The following CLIP4 variants were observed in gnomAD, a reference collection of about 807,000 sequenced individuals.
The protein encoded by CLIP4 is CAP-Gly domain containing linker protein family member 4, also known as CAP-Gly domain-containing linker protein 4.
In CLIP4, 47 loss-of-function variants were observed where a neutral mutation model predicts 73.1. The ratio of observed to expected loss-of-function variants is 0.64; its 90% CI spans 0.51 to 0.82. The LOEUF (loss-of-function observed/expected upper bound fraction) is 0.82, where lower values mean the gene tolerates loss of function less well. Among genes scored for constraint, CLIP4 ranks in the 40% least tolerant of loss-of-function variants. The pLI is 0.00. For missense variants in CLIP4, 874 were observed against 852.9 expected, an observed-to-expected ratio of 1.02 and a Z score of -0.31; for synonymous variants, 306 against 295.4, an observed-to-expected ratio of 1.04 and a Z score of -0.37.
chr2:29,160,460 C>T lies in CLIP4; in HGVS notation c.1527C>T (p.Phe509=), dbSNP rs779569758. Residue 509 remains phenylalanine, a synonymous_variant, in exon 12 of 16, where the codon TTC becomes TTT. Transcript: ENST00000320081. The part of the protein sequence containing the change: ...GTIRFFGTTN[F]APGYWYGIEL... ...TTAGGTTCTTTGGGACAACAAACTT[C>T]GCTCCAGGTAACTCATCTGCATATT... 7.5e-5 allele frequency: 121 copies of T among 1,613,898 alleles called. No individual in the cohort carries two copies. The highest frequency in any genetic ancestry group is 1.8e-4 in the East Asian group (8 of 44,892).
At chr2:29,110,606 T>G (rs949467465), upstream of CLIP4, among the ~76,000 whole-genome samples, 2 of 152,196 alleles carry the variant, frequency 1.3e-5, no homozygotes, top group Non-Finnish European at 2.9e-5. Flanking sequence ...GAATGGATGT[T>G]GAGTAGGCAG....
rs568087396 is a variant in CLIP4, at chr2:29,183,406, G to C, written c.*1513G>C. 3 of 152,676 alleles carry C rather than the reference G, an allele frequency of 2.0e-5. No homozygotes were observed. Among genetic ancestry groups the C allele is most frequent in the Admixed American group, 2.0e-4 (3 of 15,290 alleles). 9.5% of individuals were successfully genotyped at this position (152,676 alleles called of 1,614,324 possible). A position where few individuals can be genotyped will look rare whatever the true frequency, so the allele number is the denominator to read the frequency against. On this transcript the variant is annotated 3_prime_UTR_variant, in exon 16 of 16. Transcript: ENST00000320081. ...TCCTGAAATACATTTGCAAAATAAG[G>C]CTGCTTTGTAATCAAGGAATATTTT...
intron 5 of CLIP4, among the ~76,000 whole-genome samples, chr2:29,135,005 G>A (rs936377410): frequency 1.3e-5 from 2 of 151,978 alleles, no homozygotes; most frequent in South Asian, 2.1e-4. Flanking sequence ...AAATACTTTA[G>A]ACTTTTTGGA....
At chr2:29,128,505 C>T (rs762613386) in intron 2 of CLIP4, among the ~76,000 whole-genome samples, 4 of 151,682 alleles carry the variant, frequency 2.6e-5, no homozygotes, top group East Asian at 1.9e-4. Flanking sequence ...AAAGACAGCA[C>T]GAAGCACATG....
At position 29,173,676 on chromosome 2, in the gene CLIP4, A is replaced by C. The variant is rs1324666932; in HGVS notation, c.1724-697A>C. Among the ~76,000 whole-genome samples the C allele has an allele frequency of 2.6e-5, 4 of 152,322 alleles. No individual in the cohort carries two copies. The East Asian group carries it at 7.7e-4, about 29-fold the overall frequency. ...TTTTAAACTAAAATTGTGTCAATCAAAAGATTCATTCAGCACGTCTGGTCT... is the reference window on the plus strand; with the variant it reads ...TTTTAAACTAAAATTGTGTCAATCACAAGATTCATTCAGCACGTCTGGTCT... On this transcript the variant is annotated intron_variant, in intron 14 of 15. Transcript: ENST00000320081.
intron 7 of CLIP4, 42 bp from the exon 8 acceptor site, chr2:29,145,190 C>G (rs1666069272): frequency 1.3e-6 from 2 of 1,555,830 alleles, no homozygotes; most frequent in Non-Finnish European, 1.8e-6. Context: ...CTTGGAATTA[C>G]TAATAATTCC....
chr2:29,156,768 A>G lies in CLIP4; in HGVS notation c.1255+325A>G, dbSNP rs568057834. 2.9e-4 allele frequency among the ~76,000 whole-genome samples: 44 copies of G among 152,308 alleles called. No homozygotes were observed. The South Asian group carries it at 8.9e-3, about 31-fold the overall frequency. ...CTTTAGCTATCAAATCATTAGATGA[A>G]TTGAGCATGAGTATTCCTTCTTGCC... On this transcript the variant is annotated intron_variant, in intron 10 of 15. Coordinates refer to ENST00000320081, the MANE Select transcript of CLIP4 (RefSeq NM_024692.6).
Position 29,181,616 on chromosome 2 carries a change from C to T in CLIP4, c.1841C>T (p.Ala614Val), listed in dbSNP as rs779880849. Residue 614 changes from alanine (A) to valine (V), a missense_variant, in exon 16 of 16, where the codon GCA becomes GTA. Physicochemically the swap from Ala to Val is moderately conservative, Grantham distance 64 (BLOSUM62 0). Transcript: ENST00000320081. The part of the protein sequence containing the change: ...LRRSWSSTPT[A>V]GGIEGSVKLH... ...CGCAGTTGGAGCAGCACCCCCACCG[C>T]AGGTGGCATTGAAGGGAGCGTGAAG... 4 of 1,613,280 alleles carry T rather than the reference C, an allele frequency of 2.5e-6. No individual in the cohort carries two copies. Among genetic ancestry groups the T allele is most frequent in the Non-Finnish European group, 3.4e-6 (4 of 1,179,404 alleles).
chr2:29,146,795 AG>A (rs1666201336), intron 8 of CLIP4, among the ~76,000 whole-genome samples: 1 of 152,194 alleles, frequency 6.6e-6, no homozygotes. Flanking sequence ...TCTGTGAAAT[AG>A]GGATGACACT....
Position 29,181,822 on chromosome 2 carries a change from G to T in CLIP4, c.2047G>T (p.Val683Phe). The T allele has an allele frequency of 6.2e-7, 1 of 1,614,236 alleles. No homozygotes were observed. Among genetic ancestry groups the T allele is most frequent in the East Asian group, 2.2e-5 (1 of 44,886 alleles). The change falls in exon 16 of 16, where the codon GTC becomes TTC. Residue 683 changes from valine to phenylalanine, a missense_variant. Physicochemically the swap from Val to Phe is conservative, Grantham distance 50. Coordinates refer to ENST00000320081, the MANE Select transcript of CLIP4 (RefSeq NM_024692.6). ...RYFTCKPNHG[V>F]LVRPSRVTYR... ...TTTCACCTGTAAGCCGAACCATGGA[G>T]TCTTAGTTCGACCGAGCAGAGTGAC...
At chr2:29,101,154 G>A (rs1335897509) in intron 1 of CLIP4, among the ~76,000 whole-genome samples, 3 of 152,064 alleles carry the variant, frequency 2.0e-5, no homozygotes, top group Non-Finnish European at 4.4e-5. Flanking sequence ...GCCAGGCGTG[G>A]TGGTGCATGC....
chr2:29,105,712 G>C (rs906375626), intron 1 of CLIP4, among the ~76,000 whole-genome samples: 1 of 152,198 alleles, frequency 6.6e-6, no homozygotes, highest in Non-Finnish European at 1.5e-5. Context: ...GGGGTTTTTG[G>C]AGGTGAGGCC....
upstream of CLIP4, among the ~76,000 whole-genome samples, chr2:29,112,291 T>C (rs1668404053): frequency 6.6e-6 from 1 of 152,264 alleles, no homozygotes; most frequent in Non-Finnish European, 1.5e-5. Flanking sequence ...AAATTTAGTT[T>C]CTGCTGGAAT....
At chr2:29,105,542 A>G (rs1304272221) in intron 1 of CLIP4, among the ~76,000 whole-genome samples, 1 of 152,186 alleles carries the variant, frequency 6.6e-6, no homozygotes, top group African/African-American at 2.4e-5. Flanking sequence ...TCTCCATCTC[A>G]GTGTAACATT....
At chr2:29,181,104 C>G (rs1199763224) in intron 15 of CLIP4, among the ~76,000 whole-genome samples, 1 of 152,062 alleles carries the variant, frequency 6.6e-6, no homozygotes, top group African/African-American at 2.4e-5. Context: ...GGAAGCCTTA[C>G]CTATAACATA....
chr2:29,120,905 G>T (rs1664206264), intron 1 of CLIP4, among the ~76,000 whole-genome samples: 1 of 152,120 alleles, frequency 6.6e-6, no homozygotes, highest in South Asian at 2.1e-4. Flanking sequence ...TTTCAGTAAA[G>T]TTTTCTGGGA....
At chr2:29,145,878 C>T (rs911068790) in intron 8 of CLIP4, among the ~76,000 whole-genome samples, 4 of 152,142 alleles carry the variant, frequency 2.6e-5, no homozygotes, top group South Asian at 4.1e-4. Context: ...GACAGGGTTT[C>T]GCCATGTTGG....
At chr2:29,170,527 A>G (rs981085544) in intron 14 of CLIP4, among the ~76,000 whole-genome samples, 2 of 152,202 alleles carry the variant, frequency 1.3e-5, no homozygotes, top group South Asian at 2.1e-4. Flanking sequence ...GTGTTTTGCA[A>G]CTATTTCCCC....
chr2:29,101,238 C>T (rs548592855), intron 1 of CLIP4, among the ~76,000 whole-genome samples: 3 of 147,696 alleles, frequency 2.0e-5, no homozygotes, highest in East Asian at 2.0e-4. Flanking sequence ...TGCAGTGAGC[C>T]GAGATTGTGC....
Sources: gnomAD v4.1 joint callset for allele counts (sites outside exome capture counted in the v4.1 genomes callset) on GRCh38, gnomAD v4.1.1 for gene constraint, MANE v1.5 for transcripts, NCBI Gene and HGNC (gene_info 2026-07-23, HGNC 2026-07-21) for gene names.